FSCN2: variants seen among roughly 807,000 people sequenced by gnomAD.
The protein encoded by FSCN2 is fascin-2.
In FSCN2, 46 loss-of-function variants were observed where a neutral mutation model predicts 37.8. The observed-to-expected ratio is 1.22, with a 90% CI of 0.96 to 1.56. The LOEUF (loss-of-function observed/expected upper bound fraction) is 1.56, where lower values mean the gene tolerates loss of function less well. FSCN2 is among the 40% of genes most tolerant of loss of function. The probability of loss-of-function intolerance (pLI) is 0.00; values close to 1 mark genes in which losing one functional copy is unlikely to be tolerated. For synonymous variants in FSCN2, 351 were observed against 309.4 expected (o/e 1.13, Z -1.41); for missense variants, 844 against 730.4 (o/e 1.16, Z -1.79).
chr17:81,536,047 C>T (rs1194715444), intron 2 of FSCN2, 99 bp from the exon 3 acceptor site: 39 of 1,451,356 alleles, frequency 2.7e-5, no homozygotes, highest in Middle Eastern at 1.8e-4. Flanking sequence ...GGAGGGCAGG[C>T]TTCTGTCCCA....
upstream of FSCN2, among the ~76,000 whole-genome samples, chr17:81,524,316 C>T (rs1555669809): frequency 6.6e-6 from 1 of 152,182 alleles, no homozygotes; most frequent in Non-Finnish European, 1.5e-5. Flanking sequence ...AAGTCTGTCA[C>T]AGCTGGCTGC....
rs1568082822 is a variant in FSCN2, at chr17:81,536,189, G to A, written c.1027G>A (p.Val343Ile). Residue 343 changes from valine to isoleucine, a missense_variant, in exon 3 of 5, where the codon GTA becomes ATA. Physicochemically the swap from Val to Ile is conservative, Grantham distance 29. Coordinates refer to ENST00000417245, the MANE Select transcript of FSCN2 (RefSeq NM_012418.4). ...TGAGATGGAGTGGCGTGGCCGGCGG[G>A]TAGCACTCAAAGCCAGCAACGGGCG... is the stretch of plus-strand genomic sequence containing the variant. ...MFEMEWRGRRVALKASNGRYV... is the reference protein window; with the variant it reads ...MFEMEWRGRRIALKASNGRYV... The A allele has an allele frequency of 2.5e-6, 4 of 1,602,106 alleles. No individual in the cohort carries two copies. The highest frequency in any genetic ancestry group is 2.6e-6 in the Non-Finnish European group (3 of 1,174,464).
chr17:81,532,583 AGTGATG>A (rs1292288487), intron 1 of FSCN2, among the ~76,000 whole-genome samples: 112 of 55,390 alleles, frequency 2.0e-3, no homozygotes, highest in South Asian at 3.8e-3. Flanking sequence ...TGGTGATGAT[AGTGATG>A]GTGATGGTGA....
At chr17:81,531,687 A>ATGATGG (rs1191750713) in intron 1 of FSCN2, among the ~76,000 whole-genome samples, 5 of 94,276 alleles carry the variant, frequency 5.3e-5, no homozygotes, top group Admixed American at 2.0e-4. Flanking sequence ...GATGATGGTG[A>ATGATGG]TGATGGTGAT....
At chr17:81,525,633 G>T (rs572498093), upstream of FSCN2, among the ~76,000 whole-genome samples, 2 of 152,184 alleles carry the variant, frequency 1.3e-5, no homozygotes, top group South Asian at 4.1e-4. Context: ...GCCGAGGCAG[G>T]AGAATCACAT....
chr17:81,532,895 A>T (rs1280918143), intron 1 of FSCN2, among the ~76,000 whole-genome samples: 1 of 152,122 alleles, frequency 6.6e-6, no homozygotes, highest in Non-Finnish European at 1.5e-5. Flanking sequence ...CCTACTCAAG[A>T]CCAGCTCCCA....
At chr17:81,531,650 GATA>G (rs1214569941) in intron 1 of FSCN2, among the ~76,000 whole-genome samples, 14 of 141,132 alleles carry the variant, frequency 9.9e-5, no homozygotes, top group African/African-American at 3.2e-4. Context: ...TGGTGGTGAT[GATA>G]GTGATGGTGA....
the FSCN2 span, among the ~76,000 whole-genome samples, chr17:81,517,642 C>T: frequency 2.6e-5 from 4 of 152,120 alleles, no homozygotes; most frequent in East Asian, 3.9e-4. Flanking sequence ...CCACTGGGCC[C>T]GAGAAGAAGG....
the FSCN2 span, among the ~76,000 whole-genome samples, chr17:81,515,350 G>A: frequency 6.6e-6 from 1 of 152,214 alleles, no homozygotes; most frequent in African/African-American, 2.4e-5. Context: ...GATGGAGCTG[G>A]GGGTAGCTGG....
At chr17:81,532,473 GTGGTGA>G (rs2032716625) in intron 1 of FSCN2, among the ~76,000 whole-genome samples, 3 of 135,578 alleles carry the variant, frequency 2.2e-5, no homozygotes, top group Non-Finnish European at 3.1e-5. Context: ...GATGGTGGTG[GTGGTGA>G]TGATAGTGAT....
At chr17:81,517,768 C>A in the FSCN2 span, among the ~76,000 whole-genome samples, 5 of 150,894 alleles carry the variant, frequency 3.3e-5, no homozygotes, top group Middle Eastern at 3.4e-3. Context: ...CCGCCCCCCC[C>A]CCCTCCAGTC....
At chr17:81,526,173 C>T (rs558962497), upstream of FSCN2, among the ~76,000 whole-genome samples, 45 of 152,204 alleles carry the variant, frequency 3.0e-4, no homozygotes, top group Non-Finnish European at 5.1e-4. Flanking sequence ...ATGAGGCCGT[C>T]GTGCCAATCA....
Position 81,528,459 on chromosome 17 carries a change from T to G in FSCN2, c.-73T>G. The G allele has an allele frequency of 8.4e-7, 1 of 1,196,280 alleles. No individual in the cohort carries two copies. The allele number at this position is 1,196,280 out of a possible 1,614,324, so 74.1% of individuals were successfully genotyped here. A position where few individuals can be genotyped will look rare whatever the true frequency, so the allele number is the denominator to read the frequency against. On this transcript the variant is annotated 5_prime_UTR_variant, in exon 1 of 5. Transcript: ENST00000417245. ...GGCCAGCCGAGCCGACCCGGGCTTC[T>G]GGGGGACCGCGGGGGCCGTGAGCAC...
At chr17:81,517,157 C>A in the FSCN2 span, among the ~76,000 whole-genome samples, 3 of 151,274 alleles carry the variant, frequency 2.0e-5, no homozygotes, top group African/African-American at 7.3e-5. Flanking sequence ...CACTCCCCTG[C>A]CCCGCCCCAC....
chr17:81,530,169 G>A (rs372181861), intron 1 of FSCN2: 4 of 283,332 alleles, frequency 1.4e-5, no homozygotes, highest in Admixed American at 8.1e-5. Context: ...GGGAGCTGGG[G>A]ATCGGGCGGG....
At chr17:81,536,815 C>G (rs368423712) in intron 4 of FSCN2, 26 bp downstream of exon 4, 3 of 1,411,692 alleles carry the variant, frequency 2.1e-6, no homozygotes, top group Admixed American at 1.9e-5. Context: ...GGTGGGCACG[C>G]GGGAGCGGGG....
intron 1 of FSCN2, chr17:81,529,690 G>C (rs1555670945): frequency 3.5e-6 from 2 of 577,914 alleles, no homozygotes; most frequent in Non-Finnish European, 6.6e-6. Flanking sequence ...GCGATGGGCA[G>C]TGCCCAGCAG....
intron 3 of FSCN2, 163 bp downstream of exon 3, chr17:81,536,430 A>C: frequency 6.8e-7 from 1 of 1,460,344 alleles, no homozygotes; most frequent in Non-Finnish European, 9.1e-7. Flanking sequence ...CGTCTTGGCA[A>C]GGGAAACAGG....
In FSCN2 at chr17:81,536,230, G is replaced by A. The variant is rs2032872832; in HGVS notation, c.1068G>A (p.Lys356=). Residue 356 remains lysine, a synonymous_variant, in exon 3 of 5, where the codon AAG becomes AAA. Coordinates refer to ENST00000417245, the MANE Select transcript of FSCN2 (RefSeq NM_012418.4). ...GCAACGGGCGCTACGTGTGCATGAA[G>A]AAGAATGGGCAGCTGGCGGCTATCA... ...KASNGRYVCM[K]KNGQLAAISD... The A allele has an allele frequency of 2.5e-6, 4 of 1,602,196 alleles. No individual in the cohort carries two copies. Among genetic ancestry groups the A allele is most frequent in the East Asian group, 2.3e-5 (1 of 44,348 alleles).
Sources: allele counts gnomAD v4.1 joint callset (sites outside exome capture counted in the v4.1 genomes callset), GRCh38; gene constraint gnomAD v4.1.1; transcripts MANE v1.5; gene names NCBI Gene and HGNC (gene_info 2026-07-23, HGNC 2026-07-21).